PRKG1: variants seen among roughly 807,000 people sequenced by gnomAD.
PRKG1 encodes protein kinase cGMP-dependent 1.
In PRKG1, 35 loss-of-function variants were observed where a neutral mutation model predicts 88.1. The observed-to-expected ratio is 0.40, with a 90% CI of 0.30 to 0.53. PRKG1 has a LOEUF of 0.53. Ranked by LOEUF, PRKG1 falls within the 20% of genes least tolerant of loss-of-function variation. The pLI, the probability that PRKG1 is intolerant of heterozygous loss-of-function variation, is 0.59. For synonymous variants in PRKG1, 303 were observed against 292.5 expected (o/e 1.04, Z -0.37); for missense variants, 540 against 839.8 (o/e 0.64, Z 4.41).
chr10:51,877,533 C>A (rs549437692), intron 4 of PRKG1, among the ~76,000 whole-genome samples: 2 of 152,122 alleles, frequency 1.3e-5, no homozygotes, highest in East Asian at 3.8e-4. Context: ...GTTTAGTTTT[C>A]AAAAGCTCAT....
chr10:51,069,187 T>C (rs1449424699), intron 1 of PRKG1, among the ~76,000 whole-genome samples: 1 of 152,060 alleles, frequency 6.6e-6, no homozygotes, highest in Non-Finnish European at 1.5e-5. Context: ...GCAATTATGG[T>C]ACAGTACGCT....
intron 3 of PRKG1, among the ~76,000 whole-genome samples, chr10:51,779,672 C>T (rs1589279718): frequency 1.3e-5 from 2 of 152,210 alleles, no homozygotes; most frequent in South Asian, 4.2e-4. Flanking sequence ...GACCACCTAG[C>T]CCATTTAGCT....
chr10:51,076,309 A>G (rs1406152059), intron 1 of PRKG1, among the ~76,000 whole-genome samples: 5 of 152,220 alleles, frequency 3.3e-5, no homozygotes, highest in Non-Finnish European at 5.9e-5. Context: ...TTGCCCTAAT[A>G]GTTCAGCAGA....
At chr10:51,332,079 CATCAAAATGG>C (rs1394257703) in intron 2 of PRKG1, among the ~76,000 whole-genome samples, 5 of 152,152 alleles carry the variant, frequency 3.3e-5, no homozygotes, top group Non-Finnish European at 7.4e-5. Flanking sequence ...AGACTTACCT[CATCAAAATGG>C]ATAGATATCC....
At chr10:52,135,980 G>C (rs1458983628) in intron 8 of PRKG1, among the ~76,000 whole-genome samples, 3 of 152,002 alleles carry the variant, frequency 2.0e-5, no homozygotes, top group Non-Finnish European at 4.4e-5. Flanking sequence ...ATGTTAGAAA[G>C]CAGAGCGGTG....
intron 4 of PRKG1, among the ~76,000 whole-genome samples, chr10:51,904,339 A>G (rs1842041544): frequency 6.6e-6 from 1 of 152,108 alleles, no homozygotes; most frequent in African/African-American, 2.4e-5. Flanking sequence ...AAGGATAGAA[A>G]ACTTTATTTT....
chr10:51,366,984 C>A (rs1842604058), intron 2 of PRKG1, among the ~76,000 whole-genome samples: 1 of 151,802 alleles, frequency 6.6e-6, no homozygotes, highest in Admixed American at 6.6e-5. Context: ...TGAGCCATTG[C>A]ACCATTAAAT....
intron 3 of PRKG1, among the ~76,000 whole-genome samples, chr10:51,652,986 T>C (rs1840077089): frequency 6.6e-6 from 1 of 152,234 alleles, no homozygotes; most frequent in African/African-American, 2.4e-5. Flanking sequence ...TGTGCCTAGC[T>C]TATTTCACTT....
chr10:52,070,518 C>T (rs1846469921), intron 7 of PRKG1, among the ~76,000 whole-genome samples: 3 of 152,082 alleles, frequency 2.0e-5, no homozygotes, highest in South Asian at 4.1e-4. Context: ...TTTGAGAATG[C>T]AGTTTTTTTT....
intron 2 of PRKG1, among the ~76,000 whole-genome samples, chr10:51,312,978 T>G (rs1210033339): frequency 1.3e-5 from 2 of 152,108 alleles, no homozygotes; most frequent in Non-Finnish European, 2.9e-5. Context: ...CTCAGTTTAG[T>G]TTTGTCATAA....
intron 5 of PRKG1, among the ~76,000 whole-genome samples, chr10:51,982,223 G>T (rs1246619167): frequency 6.6e-6 from 1 of 152,080 alleles, no homozygotes; most frequent in Admixed American, 6.5e-5. Flanking sequence ...TCATTTTATT[G>T]TGATTTGTAT....
intron 1 of PRKG1, among the ~76,000 whole-genome samples, chr10:51,063,384 G>T (rs181032433): frequency 2.6e-5 from 4 of 152,124 alleles, no homozygotes; most frequent in Non-Finnish European, 5.9e-5. Flanking sequence ...ATGATATAGC[G>T]TATTGCTCCC....
intron 2 of PRKG1, chr10:51,299,517 A>G (rs373011988): frequency 1.6e-4 from 75 of 466,828 alleles, no homozygotes; most frequent in Non-Finnish European, 2.2e-4. Context: ...CTTTTTGCTC[A>G]TTCTTTAAAG....
At chr10:52,113,153 G>A (rs1489206892) in intron 7 of PRKG1, among the ~76,000 whole-genome samples, 1 of 152,154 alleles carries the variant, frequency 6.6e-6, no homozygotes, top group Non-Finnish European at 1.5e-5. Flanking sequence ...ATTGGCACAT[G>A]GTGATCACTC....
At chr10:51,987,995 A>G (rs2447646) in intron 5 of PRKG1, among the ~76,000 whole-genome samples, 134,478 of 152,080 alleles carry the variant, frequency 0.88, 59,603 homozygotes, top group East Asian at 1. Context: ...AAGACTATAT[A>G]TACAATTTAG....
intron 7 of PRKG1, among the ~76,000 whole-genome samples, chr10:52,064,720 C>T (rs969355388): frequency 6.6e-6 from 1 of 152,166 alleles, no homozygotes; most frequent in Non-Finnish European, 1.5e-5. Flanking sequence ...TGCAGTGGTA[C>T]CCAGGGAGCT....
chr10:51,302,847 A>G (rs1371936799), intron 2 of PRKG1: 1 of 152,178 alleles, frequency 6.6e-6, no homozygotes, highest in Non-Finnish European at 1.5e-5. Flanking sequence ...AGAAGGTACT[A>G]TTATTATCCT....
chr10:51,521,891 T>C (rs1382105469), intron 3 of PRKG1, among the ~76,000 whole-genome samples: 1 of 152,202 alleles, frequency 6.6e-6, no homozygotes, highest in African/African-American at 2.4e-5. Flanking sequence ...TGTGAAATCC[T>C]TTAGGGCACT....
At chr10:51,584,124 T>C (rs572493509) in intron 3 of PRKG1, among the ~76,000 whole-genome samples, 44 of 152,244 alleles carry the variant, frequency 2.9e-4, no homozygotes, top group African/African-American at 9.6e-4. Context: ...TTCCATTAAT[T>C]AATTTGTTTC....
Sources: allele counts gnomAD v4.1 joint callset (sites outside exome capture counted in the v4.1 genomes callset), GRCh38; gene constraint gnomAD v4.1.1; transcripts MANE v1.5; gene names NCBI Gene and HGNC (gene_info 2026-07-23, HGNC 2026-07-21).